Variants in RHOU observed in about 807,000 individuals in gnomAD.
RHOU encodes rho-related GTP-binding protein RhoU.
In RHOU, 8 loss-of-function variants were observed where a neutral mutation model predicts 12.6. The ratio of observed to expected loss-of-function variants is 0.64; its 90% CI spans 0.37 to 1.15. RHOU has a LOEUF of 1.15. Ranked by LOEUF, RHOU falls within the 50% of genes most tolerant of loss-of-function variation. The probability of loss-of-function intolerance (pLI) is 0.01; values close to 1 mark genes in which losing one functional copy is unlikely to be tolerated. For missense variants in RHOU, 258 were observed against 347.0 expected, an observed-to-expected ratio of 0.74 and a Z score of 2.04; for synonymous variants, 161 against 147.4, an observed-to-expected ratio of 1.09 and a Z score of -0.67.
chr1:228,656,508 T>C, the RHOU span, among the ~76,000 whole-genome samples: 1 of 152,296 alleles, frequency 6.6e-6, no homozygotes, highest in African/African-American at 2.4e-5. Flanking sequence ...TTTGGACCCA[T>C]AATACATAAA....
At chr1:228,698,128 T>C in the RHOU span, among the ~76,000 whole-genome samples, 1 of 152,230 alleles carries the variant, frequency 6.6e-6, no homozygotes, top group Non-Finnish European at 1.5e-5. Context: ...TTTGAGGTTT[T>C]TGTCATTCTA....
At chr1:228,722,330 A>T in the RHOU span, among the ~76,000 whole-genome samples, 1 of 152,192 alleles carries the variant, frequency 6.6e-6, no homozygotes, top group Non-Finnish European at 1.5e-5. Flanking sequence ...CTCAGAGCTC[A>T]GTCTTTGGGC....
upstream of RHOU, among the ~76,000 whole-genome samples, chr1:228,733,597 G>T (rs930145093): frequency 1.6e-4 from 25 of 152,310 alleles, no homozygotes; most frequent in East Asian, 2.9e-3. Flanking sequence ...GTGAGCCACC[G>T]CACCAGCCGA....
At chr1:228,722,140 G>C in the RHOU span, among the ~76,000 whole-genome samples, 2 of 152,174 alleles carry the variant, frequency 1.3e-5, no homozygotes, top group Non-Finnish European at 2.9e-5. Flanking sequence ...AAGTTCAGAT[G>C]GGGTACATGG....
chr1:228,698,089 C>T, the RHOU span, among the ~76,000 whole-genome samples: 4 of 152,064 alleles, frequency 2.6e-5, no homozygotes, highest in South Asian at 2.1e-4. Context: ...AATATTTTGA[C>T]GTCTACAGTT....
chr1:228,675,551 T>C, the RHOU span, among the ~76,000 whole-genome samples: 4 of 152,266 alleles, frequency 2.6e-5, no homozygotes, highest in African/African-American at 9.6e-5. Flanking sequence ...CATTTATTTA[T>C]GTTTTCTTTA....
At chr1:228,732,396 A>AT (rs1420765795), upstream of RHOU, among the ~76,000 whole-genome samples, 1 of 152,206 alleles carries the variant, frequency 6.6e-6, no homozygotes, top group Non-Finnish European at 1.5e-5. Flanking sequence ...TAGGGGACTG[A>AT]TTAAGTCGAG....
At chr1:228,670,207 G>T in the RHOU span, among the ~76,000 whole-genome samples, 1 of 152,218 alleles carries the variant, frequency 6.6e-6, no homozygotes, top group Non-Finnish European at 1.5e-5. Context: ...GAAGAAGTGA[G>T]AACAGATCCA....
the RHOU span, among the ~76,000 whole-genome samples, chr1:228,667,482 G>T: frequency 6.6e-6 from 1 of 152,146 alleles, no homozygotes; most frequent in African/African-American, 2.4e-5. Context: ...TTGCATCCAC[G>T]CCAGAAGCAG....
chr1:228,723,054 C>A, the RHOU span, among the ~76,000 whole-genome samples: 1 of 152,226 alleles, frequency 6.6e-6, no homozygotes, highest in South Asian at 2.1e-4. Context: ...CAGCCCCTCT[C>A]CCCATTCCCC....
At chr1:228,691,068 C>T in the RHOU span, among the ~76,000 whole-genome samples, 1 of 150,164 alleles carries the variant, frequency 6.7e-6, no homozygotes, top group Non-Finnish European at 1.5e-5. Flanking sequence ...AAATTAACTG[C>T]GAGGATTCAG....
At chr1:228,681,371 A>G in the RHOU span, among the ~76,000 whole-genome samples, 2 of 152,046 alleles carry the variant, frequency 1.3e-5, no homozygotes, top group Non-Finnish European at 2.9e-5. Context: ...CCTGGCGGGG[A>G]GCGAGCTGAG....
the RHOU span, among the ~76,000 whole-genome samples, chr1:228,671,809 G>A: frequency 4.3e-4 from 65 of 151,384 alleles, no homozygotes; most frequent in Admixed American, 1.4e-3. Flanking sequence ...TGGACACTAA[G>A]TGGTCATCAA....
At chr1:228,677,969 G>A in the RHOU span, among the ~76,000 whole-genome samples, 2 of 152,156 alleles carry the variant, frequency 1.3e-5, no homozygotes, top group Non-Finnish European at 2.9e-5. Flanking sequence ...TGTGGGAAAG[G>A]CCTCTACCCA....
the RHOU span, among the ~76,000 whole-genome samples, chr1:228,729,420 T>C: frequency 2.6e-5 from 4 of 152,174 alleles, no homozygotes; most frequent in Non-Finnish European, 2.9e-5. Flanking sequence ...AAATTGCCAT[T>C]ATACGCATTT....
the RHOU span, among the ~76,000 whole-genome samples, chr1:228,718,008 A>T: frequency 1.3e-5 from 2 of 152,212 alleles, no homozygotes; most frequent in Non-Finnish European, 2.9e-5. Context: ...CTCCTTTGAG[A>T]ACATTATGTC....
the RHOU span, among the ~76,000 whole-genome samples, chr1:228,666,791 T>C: frequency 1.3e-5 from 2 of 152,180 alleles, no homozygotes; most frequent in Admixed American, 6.5e-5. Flanking sequence ...TTTGGATAAA[T>C]ATCCAGCATT....
the RHOU span, among the ~76,000 whole-genome samples, chr1:228,691,568 G>T: frequency 6.6e-6 from 1 of 152,140 alleles, no homozygotes; most frequent in African/African-American, 2.4e-5. Context: ...TTCATGTCTT[G>T]TAGAGGCTCA....
the RHOU span, among the ~76,000 whole-genome samples, chr1:228,648,197 C>T: frequency 1.3e-5 from 2 of 152,360 alleles, no homozygotes; most frequent in African/African-American, 4.8e-5. Context: ...AGCACCGTTG[C>T]CCGCCGCCTT....
Sources: gnomAD v4.1 joint callset for allele counts (sites outside exome capture counted in the v4.1 genomes callset) on GRCh38, gnomAD v4.1.1 for gene constraint, MANE v1.5 for transcripts, NCBI Gene and HGNC (gene_info 2026-07-23, HGNC 2026-07-21) for gene names.